The following FOXN3 variants were observed in gnomAD, a reference collection of about 807,000 sequenced individuals.
FOXN3 encodes forkhead box N3.
FOXN3 carries 7 observed loss-of-function variants against 38.4 expected under a neutral mutation model. The ratio of observed to expected loss-of-function variants is 0.18; its 90% confidence interval spans 0.10 to 0.34. The LOEUF is 0.34. Ranked by LOEUF, FOXN3 falls within the 10% of genes least tolerant of loss-of-function variation. The probability of loss-of-function intolerance (pLI) is 1.00; values close to 1 mark genes in which losing one functional copy is unlikely to be tolerated. For synonymous variants in FOXN3, 230 were observed against 242.2 expected (o/e 0.95, Z 0.47); for missense variants, 456 against 613.4 (o/e 0.74, Z 2.71).
At chr14:89,358,543 C>G (rs1055529229) in intron 2 of FOXN3, among the ~76,000 whole-genome samples, 1 of 152,208 alleles carries the variant, frequency 6.6e-6, no homozygotes, top group Non-Finnish European at 1.5e-5. Context: ...TCATGGCATA[C>G]ATGCAGCTCA....
In FOXN3 at chr14:89,243,638, G is replaced by C. The variant is rs146822483; in HGVS notation, c.745+37312C>G. Among the ~76,000 whole-genome samples the C allele has an allele frequency of 9.2e-5, 14 of 152,308 alleles. No individual in the cohort carries two copies. In the East Asian group the frequency reaches 2.7e-3, roughly 29 times the overall value. On this transcript the variant is annotated intron_variant, in intron 4 of 5. Transcript: ENST00000557258. ...TAATAATGCTGCCCTTTCATTTTCT[G>C]AGAGGGTTTATCTTCCTTCTGCTAC...
At chr14:89,349,742 A>G (rs982470680) in intron 3 of FOXN3, 1 of 152,386 alleles carries the variant, frequency 6.6e-6, no homozygotes, top group African/African-American at 2.4e-5. Context: ...CTATTTCAGA[A>G]GATCACTTTG....
intron 4 of FOXN3, among the ~76,000 whole-genome samples, chr14:89,192,416 A>C (rs1887979318): frequency 7.0e-6 from 1 of 143,786 alleles, no homozygotes; most frequent in Non-Finnish European, 1.5e-5. Context: ...TCAGTTTATA[A>C]TAGTTGTAAT....
intron 3 of FOXN3, among the ~76,000 whole-genome samples, chr14:89,325,268 T>TCACCAA (rs1477892805): frequency 6.7e-5 from 4 of 59,572 alleles, no homozygotes; most frequent in Non-Finnish European, 9.2e-5. Context: ...ACCACCACCA[T>TCACCAA]CACCAACACC....
chr14:89,372,561 CAA>C (rs773146737), intron 2 of FOXN3, among the ~76,000 whole-genome samples: 2 of 152,164 alleles, frequency 1.3e-5, no homozygotes, highest in Non-Finnish European at 2.9e-5. Context: ...TTTATTGTAA[CAA>C]GAGCACCATA....
chr14:89,469,377 C>T (rs1893045953), intron 1 of FOXN3, among the ~76,000 whole-genome samples: 1 of 152,238 alleles, frequency 6.6e-6, no homozygotes, highest in Non-Finnish European at 1.5e-5. Context: ...GCCCTGTCCT[C>T]AGTCCAGGAA....
chr14:89,196,654 T>C (rs992412526), intron 4 of FOXN3, among the ~76,000 whole-genome samples: 5 of 152,204 alleles, frequency 3.3e-5, no homozygotes, highest in African/African-American at 1.2e-4. Flanking sequence ...TTAGTAAGGC[T>C]GGGAGAATAC....
At chr14:89,222,791 C>T (rs908679162) in intron 4 of FOXN3, among the ~76,000 whole-genome samples, 8 of 152,080 alleles carry the variant, frequency 5.3e-5, no homozygotes, top group African/African-American at 1.9e-4. Context: ...CTCCTACCTC[C>T]CTCTACCCTT....
At chr14:89,309,578 G>A (rs1022886573) in intron 3 of FOXN3, among the ~76,000 whole-genome samples, 1 of 152,208 alleles carries the variant, frequency 6.6e-6, no homozygotes, top group African/African-American at 2.4e-5. Flanking sequence ...GCAAAACCAA[G>A]GCAGAGGCTG....
At chr14:89,188,793 A>G (rs1887872400) in intron 4 of FOXN3, among the ~76,000 whole-genome samples, 3 of 152,358 alleles carry the variant, frequency 2.0e-5, no homozygotes, top group African/African-American at 4.8e-5. Flanking sequence ...GAACTTGATT[A>G]CAATCTGGTC....
chr14:89,518,582 G>A (rs1054097076), intron 1 of FOXN3, among the ~76,000 whole-genome samples: 15 of 152,198 alleles, frequency 9.9e-5, no homozygotes, highest in Admixed American at 3.3e-4. Context: ...TTGTTTGAAG[G>A]GGGTCTCTAT....
chr14:89,529,699 A>C (rs448069), intron 1 of FOXN3, among the ~76,000 whole-genome samples: 30,908 of 136,750 alleles, frequency 0.23, 3,295 homozygotes, highest in East Asian at 0.45. Context: ...TTGCAGAAAT[A>C]TTGTTGTTGT....
intron 3 of FOXN3, among the ~76,000 whole-genome samples, chr14:89,307,349 A>G (rs1682210957): frequency 6.6e-6 from 1 of 152,204 alleles, no homozygotes; most frequent in African/African-American, 2.4e-5. Flanking sequence ...GGCACTCATC[A>G]GACTGTCTAT....
intron 2 of FOXN3, among the ~76,000 whole-genome samples, chr14:89,366,726 C>T (rs949611309): frequency 7.9e-5 from 12 of 152,172 alleles, no homozygotes; most frequent in African/African-American, 2.9e-4. Flanking sequence ...CGCACTCCTT[C>T]CAGTACCTCC....
intron 4 of FOXN3, among the ~76,000 whole-genome samples, chr14:89,267,402 G>A (rs1323997527): frequency 6.6e-6 from 1 of 152,126 alleles, no homozygotes; most frequent in African/African-American, 2.4e-5. Context: ...AGCTGCCTTC[G>A]CTAGGTTAGG....
intron 3 of FOXN3, chr14:89,291,710 A>G: frequency 2.6e-6 from 1 of 379,854 alleles, no homozygotes; most frequent in Admixed American, 3.5e-5. Context: ...GTTTCATCAC[A>G]TTCCCCAAAG....
At chr14:89,557,895 A>G (rs915898829) in intron 1 of FOXN3, among the ~76,000 whole-genome samples, 1 of 152,140 alleles carries the variant, frequency 6.6e-6, no homozygotes, top group African/African-American at 2.4e-5. Flanking sequence ...AATCCCAGCT[A>G]CTTGGGAGGC....
chr14:89,396,289 G>T (rs763834372), intron 2 of FOXN3, among the ~76,000 whole-genome samples: 2 of 152,176 alleles, frequency 1.3e-5, no homozygotes, highest in Non-Finnish European at 2.9e-5. Flanking sequence ...TCCACTTCCA[G>T]TTAATCAGAG....
chr14:89,221,979 C>T (rs1361927348), intron 4 of FOXN3, among the ~76,000 whole-genome samples: 5 of 152,132 alleles, frequency 3.3e-5, no homozygotes, highest in African/African-American at 7.2e-5. Flanking sequence ...CCCGCCACGG[C>T]GCCCGGCTAA....
Sources: gnomAD v4.1 joint callset for allele counts (sites outside exome capture counted in the v4.1 genomes callset) on GRCh38, gnomAD v4.1.1 for gene constraint, MANE v1.5 for transcripts, NCBI Gene and HGNC (gene_info 2026-07-23, HGNC 2026-07-21) for gene names.